Variants in GMDS observed in about 807,000 individuals in gnomAD.
The protein encoded by GMDS is GDP-mannose 4,6-dehydratase, also known as GDP-mannose 4,6 dehydratase.
In GMDS, 20 loss-of-function variants were observed where a neutral mutation model predicts 49.9. That is an observed-to-expected ratio of 0.40 (90% CI 0.28 to 0.58). The LOEUF (loss-of-function observed/expected upper bound fraction) is 0.58, where lower values mean the gene tolerates loss of function less well. Among genes scored for constraint, GMDS ranks in the 20% least tolerant of loss-of-function variants. The pLI is 0.42. For missense variants in GMDS, 362 were observed against 481.4 expected, an observed-to-expected ratio of 0.75 and a Z score of 2.32; for synonymous variants, 177 against 178.6, an observed-to-expected ratio of 0.99 and a Z score of 0.07.
At chr6:1,771,001 C>A (rs1261943953) in intron 7 of GMDS, among the ~76,000 whole-genome samples, 3 of 152,102 alleles carry the variant, frequency 2.0e-5, no homozygotes, top group African/African-American at 7.2e-5. Flanking sequence ...AAATAATGAG[C>A]TATTCATGTC....
chr6:1,760,130 G>A (rs1327675330), intron 7 of GMDS, among the ~76,000 whole-genome samples: 1 of 152,126 alleles, frequency 6.6e-6, no homozygotes, highest in Non-Finnish European at 1.5e-5. Context: ...GAGGAGGGAG[G>A]GAGTGAGGGA....
intron 1 of GMDS, among the ~76,000 whole-genome samples, chr6:2,127,553 CAG>C (rs1168119631): frequency 2.6e-5 from 4 of 152,252 alleles, no homozygotes; most frequent in Non-Finnish European, 4.4e-5. Context: ...GGCTGCTTCT[CAG>C]ACTTTCCAAC....
At chr6:2,144,543 T>C (rs1475353746) in intron 1 of GMDS, among the ~76,000 whole-genome samples, 1 of 152,154 alleles carries the variant, frequency 6.6e-6, no homozygotes. Flanking sequence ...TAGCCTTGAA[T>C]GATGTAAGCA....
At chr6:2,027,202 G>A (rs932351966) in intron 4 of GMDS, among the ~76,000 whole-genome samples, 3 of 152,118 alleles carry the variant, frequency 2.0e-5, no homozygotes, top group Non-Finnish European at 4.4e-5. Context: ...GGAGAAAAAC[G>A]TGGAACAGGT....
At chr6:2,151,801 C>T (rs994063431) in intron 1 of GMDS, among the ~76,000 whole-genome samples, 1 of 152,052 alleles carries the variant, frequency 6.6e-6, no homozygotes, top group African/African-American at 2.4e-5. Flanking sequence ...ATCCATTCAT[C>T]TTAATCTTGT....
intron 4 of GMDS, among the ~76,000 whole-genome samples, chr6:1,962,308 T>C (rs1379949972): frequency 6.6e-6 from 1 of 152,158 alleles, no homozygotes; most frequent in Non-Finnish European, 1.5e-5. Flanking sequence ...CACTATATAT[T>C]TGCCTACTGT....
At chr6:2,096,084 T>C (rs1773589207) in intron 4 of GMDS, among the ~76,000 whole-genome samples, 2 of 152,136 alleles carry the variant, frequency 1.3e-5, no homozygotes, top group African/African-American at 2.4e-5. Flanking sequence ...GAAGAGGCAT[T>C]TGACAGAAAG....
chr6:1,871,708 A>C (rs1758765525), intron 7 of GMDS, among the ~76,000 whole-genome samples: 1 of 152,266 alleles, frequency 6.6e-6, no homozygotes, highest in Non-Finnish European at 1.5e-5. Context: ...GCTGTTGTGA[A>C]TAGTAAGGAA....
intron 9 of GMDS, among the ~76,000 whole-genome samples, chr6:1,720,564 C>A (rs1178068228): frequency 1.3e-5 from 2 of 152,156 alleles, no homozygotes; most frequent in South Asian, 2.1e-4. Flanking sequence ...GCATTCTGAT[C>A]AGCATTCCAC....
At chr6:1,631,497 C>T (rs76086737) in intron 9 of GMDS, among the ~76,000 whole-genome samples, 2,936 of 152,090 alleles carry the variant, frequency 0.019, 92 homozygotes, top group African/African-American at 0.067. Context: ...AGAAATGTCC[C>T]CCCCTCCGCC....
intron 7 of GMDS, among the ~76,000 whole-genome samples, chr6:1,755,502 T>C (rs1767906931): frequency 2.6e-5 from 4 of 151,936 alleles, no homozygotes; most frequent in Admixed American, 2.6e-4. Context: ...ACTGACTTTC[T>C]TCATAGAATT....
chr6:1,942,602 G>A (rs1030206491), intron 6 of GMDS, among the ~76,000 whole-genome samples: 1 of 152,182 alleles, frequency 6.6e-6, no homozygotes, highest in African/African-American at 2.4e-5. Context: ...AAGACTGAAA[G>A]GGGCAGTGAT....
chr6:1,629,659 T>C (rs1762940544), intron 9 of GMDS, among the ~76,000 whole-genome samples: 1 of 152,170 alleles, frequency 6.6e-6, no homozygotes, highest in South Asian at 2.1e-4. Flanking sequence ...ACACTCCCAC[T>C]GTCGCCACTG....
chr6:2,166,678 A>G (rs1260966125), intron 1 of GMDS, among the ~76,000 whole-genome samples: 2 of 152,202 alleles, frequency 1.3e-5, no homozygotes, highest in East Asian at 3.9e-4. Flanking sequence ...TCACAGAGTT[A>G]ATAAGTATCA....
In GMDS at chr6:1,766,950, A is replaced by C. The variant is rs947610791; in HGVS notation, c.772-24364T>G. Among the ~76,000 whole-genome samples the C allele has an allele frequency of 3.3e-4, 50 of 152,200 alleles. No individual in the cohort carries two copies. Among genetic ancestry groups the C allele is most frequent in the Non-Finnish European group, 7.3e-5 (5 of 68,030 alleles). ...TTTATTTCCTGCTGAATCTGACTTA[A>C]GTGTAAAATCGAGCAGGGATCCCCA... On this transcript the variant is annotated intron_variant, in intron 7 of 10. Coordinates refer to ENST00000380815, the MANE Select transcript of GMDS (RefSeq NM_001500.4). The surrounding 1 kb of genome is among the most constrained non-coding windows in gnomAD (Gnocchi z 4.5).
chr6:1,927,926 C>T (rs1193356623), intron 7 of GMDS, among the ~76,000 whole-genome samples: 2 of 152,180 alleles, frequency 1.3e-5, no homozygotes, highest in East Asian at 3.8e-4. Context: ...CTGTAAAAAG[C>T]ACTATCAACA....
At chr6:1,896,907 G>A (rs1760228718) in intron 7 of GMDS, among the ~76,000 whole-genome samples, 1 of 152,222 alleles carries the variant, frequency 6.6e-6, no homozygotes, top group Non-Finnish European at 1.5e-5. Context: ...TTTGACTGAT[G>A]TCTCTGGGAA....
intron 8 of GMDS, among the ~76,000 whole-genome samples, chr6:1,736,990 C>G (rs1767021517): frequency 6.6e-6 from 1 of 152,152 alleles, no homozygotes; most frequent in East Asian, 1.9e-4. Flanking sequence ...AGATCGGCCT[C>G]CAGAGGCTTC....
At chr6:1,987,630 T>A (rs1295686867) in intron 4 of GMDS, among the ~76,000 whole-genome samples, 1 of 152,142 alleles carries the variant, frequency 6.6e-6, no homozygotes, top group Non-Finnish European at 1.5e-5. Context: ...TATAGTAAGT[T>A]CAATAGTGAT....
Sources: allele counts gnomAD v4.1 joint callset (sites outside exome capture counted in the v4.1 genomes callset), GRCh38; gene constraint gnomAD v4.1.1; non-coding constraint Gnocchi (gnomAD v3.1); transcripts MANE v1.5; gene names NCBI Gene and HGNC (gene_info 2026-07-23, HGNC 2026-07-21).